Variants in GRM8 observed in about 807,000 individuals in gnomAD.
The protein encoded by GRM8 is glutamate metabotropic receptor 8.
GRM8 carries 47 observed loss-of-function variants against 87.2 expected under a neutral mutation model. The observed-to-expected ratio is 0.54, with a 90% CI of 0.43 to 0.69. The LOEUF (loss-of-function observed/expected upper bound fraction) is 0.69. Ranked by LOEUF, GRM8 falls within the 30% of genes least tolerant of loss-of-function variation. GRM8 has a pLI of 0.00. For synonymous variants in GRM8, 396 were observed against 404.5 expected, an observed-to-expected ratio of 0.98 and a Z score of 0.25; for missense variants, 1,019 against 1,139.2, an observed-to-expected ratio of 0.89 and a Z score of 1.52.
chr7:127,146,821 C>T (rs145594473), intron 2 of GRM8, among the ~76,000 whole-genome samples: 44 of 152,136 alleles, frequency 2.9e-4, no homozygotes, highest in African/African-American at 8.4e-4. Flanking sequence ...TAACTCTGTA[C>T]ACCACCTCAC....
At chr7:126,505,104 C>T (rs1397273115) in intron 9 of GRM8, among the ~76,000 whole-genome samples, 1 of 151,986 alleles carries the variant, frequency 6.6e-6, no homozygotes, top group Non-Finnish European at 1.5e-5. Context: ...AATTAGGCTA[C>T]ATATTGACGG....
At chr7:126,997,111 A>T (rs1047943671) in intron 3 of GRM8, among the ~76,000 whole-genome samples, 5 of 151,604 alleles carry the variant, frequency 3.3e-5, no homozygotes, top group African/African-American at 1.2e-4. Context: ...GACCACAATG[A>T]AATTAAACTA....
chr7:127,071,084 C>G (rs1422217507), intron 3 of GRM8, among the ~76,000 whole-genome samples: 1 of 152,128 alleles, frequency 6.6e-6, no homozygotes, highest in Admixed American at 6.6e-5. Context: ...GGTTCCAGAT[C>G]ATCCTTACTA....
chr7:126,578,387 G>T (rs1386392456), intron 8 of GRM8, among the ~76,000 whole-genome samples: 1 of 152,192 alleles, frequency 6.6e-6, no homozygotes, highest in Non-Finnish European at 1.5e-5. Context: ...AAAGATGGCA[G>T]AAAGGAGATT....
intron 7 of GRM8, among the ~76,000 whole-genome samples, chr7:126,640,745 C>A: frequency 6.6e-6 from 1 of 152,050 alleles, no homozygotes; most frequent in Non-Finnish European, 1.5e-5. Flanking sequence ...TCCCCCCCTC[C>A]TACCCAATCT....
intron 9 of GRM8, among the ~76,000 whole-genome samples, chr7:126,467,964 T>C (rs1431463679): frequency 3.9e-5 from 6 of 152,048 alleles, no homozygotes; most frequent in Non-Finnish European, 7.4e-5. Flanking sequence ...GCCATAGATA[T>C]AGTGGCAAAT....
chr7:127,076,304 C>T (rs1478148978), intron 3 of GRM8: 2 of 419,832 alleles, frequency 4.8e-6, no homozygotes, highest in Non-Finnish European at 9.6e-6. Flanking sequence ...AAACAGAAGC[C>T]CTCTATTTCT....
At chr7:127,136,711 T>A (rs1435986867) in intron 2 of GRM8, among the ~76,000 whole-genome samples, 1 of 151,898 alleles carries the variant, frequency 6.6e-6, no homozygotes, top group African/African-American at 2.4e-5. Flanking sequence ...ACACAGGCAA[T>A]AGACGTCTCT....
intron 6 of GRM8, among the ~76,000 whole-genome samples, chr7:126,849,435 A>C (rs966208020): frequency 6.6e-6 from 1 of 152,212 alleles, no homozygotes; most frequent in Admixed American, 6.5e-5. Flanking sequence ...GGTAATAAGC[A>C]GAGGAGTTCA....
rs374238963 is a variant in GRM8 at position 126,498,578 on chromosome 7, T to C, written c.2430+34374A>G. On this transcript the variant is annotated intron_variant, in intron 9 of 10. Transcript: ENST00000339582. ...AAACACTCACTCACACAGGAGGCAG[T>C]AAGTCTCCAGAAAAGTGGGGGGACA... is the stretch of plus-strand genomic sequence containing the variant. Among the ~76,000 whole-genome samples the C allele has an allele frequency of 2.4e-4, 37 of 152,104 alleles. 1 individual carries two copies. Among genetic ancestry groups the C allele is most frequent in the African/African-American group, 7.7e-4 (32 of 41,552 alleles).
At chr7:126,697,007 C>A (rs1809453248) in intron 7 of GRM8, among the ~76,000 whole-genome samples, 1 of 151,042 alleles carries the variant, frequency 6.6e-6, no homozygotes, top group Non-Finnish European at 1.5e-5. Flanking sequence ...AAAGAAAATG[C>A]ATAATATATA....
chr7:126,554,935 A>G lies in GRM8; in HGVS notation c.1495-21048T>C, dbSNP rs190974463. ...AATAGGATAAATGTAAGAAGAAAAG[A>G]GTAAGTTGGAATTTGAGATTCCAAT... On this transcript the variant is annotated intron_variant, in intron 8 of 10. Coordinates refer to ENST00000339582, the MANE Select transcript of GRM8 (RefSeq NM_000845.3). Among the ~76,000 whole-genome samples the G allele has an allele frequency of 3.2e-4, 48 of 152,300 alleles. No individual in the cohort carries two copies. In the East Asian group the frequency reaches 8.5e-3, roughly 27 times the overall value.
chr7:126,891,847 C>T (rs1157840822), intron 6 of GRM8, among the ~76,000 whole-genome samples: 1 of 151,840 alleles, frequency 6.6e-6, no homozygotes, highest in African/African-American at 2.4e-5. Flanking sequence ...ATGTCCTTGA[C>T]ATCTAATAGC....
At chr7:126,463,554 C>T (rs1294866622) in intron 9 of GRM8, among the ~76,000 whole-genome samples, 2 of 151,604 alleles carry the variant, frequency 1.3e-5, no homozygotes, top group Admixed American at 1.3e-4. Flanking sequence ...TTCCTAGGTT[C>T]AGTGACCTCG....
chr7:127,165,869 G>A (rs570547551), intron 2 of GRM8, among the ~76,000 whole-genome samples: 55 of 152,222 alleles, frequency 3.6e-4, no homozygotes, highest in South Asian at 6.2e-4. Flanking sequence ...TGCTAACTTT[G>A]GGGAGGTGTG....
intron 3 of GRM8, among the ~76,000 whole-genome samples, chr7:127,097,394 G>A (rs1824765526): frequency 6.6e-6 from 1 of 152,148 alleles, no homozygotes; most frequent in South Asian, 2.1e-4. Flanking sequence ...ATTGAGAACT[G>A]GAAAAGAGAG....
At chr7:126,811,889 G>A (rs987590398) in intron 6 of GRM8, among the ~76,000 whole-genome samples, 15 of 151,792 alleles carry the variant, frequency 9.9e-5, no homozygotes, top group African/African-American at 3.6e-4. Context: ...AGGACCTCCA[G>A]TACTATATTG....
chr7:126,611,610 T>C (rs1286892923), intron 7 of GRM8, among the ~76,000 whole-genome samples: 1 of 152,230 alleles, frequency 6.6e-6, no homozygotes, highest in Non-Finnish European at 1.5e-5. Flanking sequence ...ACATATTCTC[T>C]CCTCAATAAA....
At chr7:126,982,890 T>C (rs557228434) in intron 3 of GRM8, among the ~76,000 whole-genome samples, 2 of 152,326 alleles carry the variant, frequency 1.3e-5, no homozygotes, top group African/African-American at 4.8e-5. Flanking sequence ...CAGTCCTGCC[T>C]GGATTGGGCT....
Sources: gnomAD v4.1 joint callset for allele counts (sites outside exome capture counted in the v4.1 genomes callset) on GRCh38, gnomAD v4.1.1 for gene constraint, MANE v1.5 for transcripts, NCBI Gene and HGNC (gene_info 2026-07-23, HGNC 2026-07-21) for gene names.